The following LNPEP variants were observed in gnomAD, a reference collection of about 807,000 sequenced individuals.
The protein encoded by LNPEP is leucyl-cystinyl aminopeptidase.
In LNPEP, 64 loss-of-function variants were observed where a neutral mutation model predicts 120.6. The ratio of observed to expected loss-of-function variants is 0.53; its 90% CI spans 0.43 to 0.65. The LOEUF (loss-of-function observed/expected upper bound fraction) is 0.65. LNPEP is among the 30% of genes least tolerant of loss of function. LNPEP has a pLI of 0.00. For missense variants in LNPEP, 1,057 were observed against 1,200.0 expected (o/e 0.88, Z 1.76); for synonymous variants, 435 against 425.4 (o/e 1.02, Z -0.28).
intron 1 of LNPEP, among the ~76,000 whole-genome samples, chr5:96,943,349 C>A (rs13170029): frequency 6.6e-6 from 1 of 151,922 alleles, no homozygotes; most frequent in Non-Finnish European, 1.5e-5. Flanking sequence ...AGTGCAGTGG[C>A]ACGGCCACAG....
At chr5:97,003,648 C>T (rs1486009472) in intron 9 of LNPEP, 102 bp downstream of exon 9, 3 of 723,134 alleles carry the variant, frequency 4.1e-6, no homozygotes, top group African/African-American at 3.6e-5. Flanking sequence ...TGGTACAAAG[C>T]ATAGTTATTT....
intron 1 of LNPEP, among the ~76,000 whole-genome samples, chr5:96,970,681 C>G (rs893236276): frequency 2.0e-5 from 3 of 151,800 alleles, no homozygotes; most frequent in Non-Finnish European, 4.4e-5. Flanking sequence ...AACTATGCAT[C>G]TTTTTAAAAT....
Position 97,037,098 on chromosome 5 carries a change from C to G in LNPEP, c.*8565C>G, listed in dbSNP as rs1582044599. 2.0e-5 allele frequency: 3 copies of G among 152,254 alleles called. No individual in the cohort carries two copies. The South Asian group carries it at 6.2e-4, about 32-fold the overall frequency. 9.4% of individuals were successfully genotyped at this position (152,254 alleles called of 1,614,324 possible). Reference sequence around the variant, plus strand: ...GAGCATTTGCATTAATCAACAAACTCACATTGAGACAAAACTTAGTTTTAC... The same window carrying G: ...GAGCATTTGCATTAATCAACAAACTGACATTGAGACAAAACTTAGTTTTAC... On this transcript the variant is annotated 3_prime_UTR_variant, in exon 18 of 18. Transcript: ENST00000231368.
chr5:97,020,164 A>G (rs1171721388), intron 13 of LNPEP, among the ~76,000 whole-genome samples: 1 of 152,174 alleles, frequency 6.6e-6, no homozygotes, highest in Admixed American at 6.5e-5. Context: ...ATGCTTATTC[A>G]CAGTAAGTCA....
chr5:96,957,627 A>AG (rs1048590529), intron 1 of LNPEP, among the ~76,000 whole-genome samples: 48 of 152,234 alleles, frequency 3.2e-4, no homozygotes, highest in South Asian at 6.2e-4. Flanking sequence ...TGATGATGGG[A>AG]GGGGGGCCCA....
At chr5:96,966,922 TA>T (rs1251885630) in intron 1 of LNPEP, among the ~76,000 whole-genome samples, 1 of 152,216 alleles carries the variant, frequency 6.6e-6, no homozygotes, top group Non-Finnish European at 1.5e-5. Flanking sequence ...CATTAGTAGG[TA>T]AATTCTTAAA....
intron 1 of LNPEP, among the ~76,000 whole-genome samples, chr5:96,973,365 A>T (rs999323653): frequency 6.6e-6 from 1 of 152,066 alleles, no homozygotes; most frequent in African/African-American, 2.4e-5. Flanking sequence ...TTTTGATAGA[A>T]GAGTATTCTC....
chr5:96,974,425 C>G (rs1248338464), intron 1 of LNPEP, among the ~76,000 whole-genome samples: 2 of 152,104 alleles, frequency 1.3e-5, no homozygotes, highest in Non-Finnish European at 2.9e-5. Flanking sequence ...TCTCCCTGTC[C>G]CTCTGGATGC....
At chr5:97,017,403 A>G (rs1405533534) in intron 13 of LNPEP, among the ~76,000 whole-genome samples, 3 of 152,074 alleles carry the variant, frequency 2.0e-5, no homozygotes, top group African/African-American at 4.8e-5. Context: ...ATTTGCAAAT[A>G]TCTTCTCCCA....
At chr5:96,992,228 T>C (rs1052226461) in intron 4 of LNPEP, among the ~76,000 whole-genome samples, 13 of 152,212 alleles carry the variant, frequency 8.5e-5, no homozygotes, top group African/African-American at 3.1e-4. Context: ...TGTCTCTTAG[T>C]ATGTACCCGG....
At chr5:97,018,896 T>C (rs548133855) in intron 13 of LNPEP, among the ~76,000 whole-genome samples, 2 of 152,340 alleles carry the variant, frequency 1.3e-5, no homozygotes, top group African/African-American at 4.8e-5. Flanking sequence ...TTGTGTTAAA[T>C]TGTTCACATC....
chr5:97,006,551 A>G lies in LNPEP; in HGVS notation c.2035+36A>G, dbSNP rs760421718. 7 of 1,110,076 alleles carry G rather than the reference A, an allele frequency of 6.3e-6. No homozygotes were observed. In the Admixed American group the frequency reaches 8.8e-5, roughly 14 times the overall value. 68.8% of individuals were successfully genotyped at this position (1,110,076 alleles called of 1,614,324 possible). On this transcript the variant is annotated intron_variant, in intron 11 of 17. Transcript: ENST00000231368. The stretch of plus-strand genomic sequence containing the variant: ...AATGACAGTTCTGATTGGAAATGGC[A>G]TAATTTTAAAAATCTGATCAGAGTG...
At chr5:97,001,789 G>T (rs1790658564) in intron 8 of LNPEP, among the ~76,000 whole-genome samples, 1 of 152,144 alleles carries the variant, frequency 6.6e-6, no homozygotes, top group Admixed American at 6.6e-5. Flanking sequence ...AGGTTGATAA[G>T]ATGAGCCTGA....
intron 1 of LNPEP, among the ~76,000 whole-genome samples, chr5:96,946,171 G>A (rs182664143): frequency 2.0e-5 from 3 of 152,304 alleles, no homozygotes; most frequent in African/African-American, 4.8e-5. Flanking sequence ...GAGGCTCAGC[G>A]CCTTAGTATC....
At position 96,936,107 on chromosome 5, in the gene LNPEP, A is replaced by T; in HGVS notation, c.-49A>T. Reference sequence around the variant, plus strand: ...TCAGCTGGGCCGCCTCAGCTCTCGGAGTAGGAAGCTCGGGCGCTCCGGCTG... The same window carrying T: ...TCAGCTGGGCCGCCTCAGCTCTCGGTGTAGGAAGCTCGGGCGCTCCGGCTG... On this transcript the variant is annotated 5_prime_UTR_variant, in exon 1 of 18. Coordinates refer to ENST00000231368, the MANE Select transcript of LNPEP (RefSeq NM_005575.3). 6.6e-7 allele frequency: 1 copy of T among 1,514,802 alleles called. No homozygotes were observed. Among genetic ancestry groups the T allele is most frequent in the Non-Finnish European group, 8.8e-7 (1 of 1,131,436 alleles). 93.8% of individuals were successfully genotyped at this position (1,514,802 alleles called of 1,614,324 possible). A position where few individuals can be genotyped will look rare whatever the true frequency, so the allele number is the denominator to read the frequency against.
intron 9 of LNPEP, among the ~76,000 whole-genome samples, chr5:97,005,504 G>GA (rs1790758511): frequency 6.6e-6 from 1 of 152,094 alleles, no homozygotes; most frequent in African/African-American, 2.4e-5. Context: ...TTTCTAGAAA[G>GA]ACTTAAGGCA....
chr5:97,024,817 G>A, intron 15 of LNPEP, 135 bp downstream of exon 15: 1 of 722,856 alleles, frequency 1.4e-6, no homozygotes, highest in East Asian at 2.7e-5. Flanking sequence ...TGGACAGTGT[G>A]GTGAGGAGAC....
chr5:96,998,191 G>A (rs766190339), intron 8 of LNPEP, 46 bp downstream of exon 8: 47 of 1,368,836 alleles, frequency 3.4e-5, no homozygotes, highest in Admixed American at 6.7e-5. Context: ...TTAAAATTTC[G>A]TATAATTTCG....
chr5:96,993,222 A>G, intron 5 of LNPEP, 87 bp downstream of exon 5: 3 of 988,542 alleles, frequency 3.0e-6, no homozygotes, highest in Non-Finnish European at 4.4e-6. Flanking sequence ...GTTCTGCCCA[A>G]GTTGTTTGCA....
Sources: gnomAD v4.1 joint callset for allele counts (sites outside exome capture counted in the v4.1 genomes callset) on GRCh38, gnomAD v4.1.1 for gene constraint, MANE v1.5 for transcripts, NCBI Gene and HGNC (gene_info 2026-07-23, HGNC 2026-07-21) for gene names.